Variants in STK38L observed in about 807,000 individuals in gnomAD.
The protein encoded by STK38L is serine/threonine kinase 38 like.
STK38L carries 28 observed loss-of-function variants against 59.7 expected under a neutral mutation model. The observed-to-expected ratio is 0.47, with a 90% CI of 0.35 to 0.64. The LOEUF is 0.64. Ranked by LOEUF, STK38L falls within the 30% of genes least tolerant of loss-of-function variation. STK38L has a pLI of 0.01. For synonymous variants in STK38L, 162 were observed against 176.8 expected, an observed-to-expected ratio of 0.92 and a Z score of 0.66; for missense variants, 314 against 555.8, an observed-to-expected ratio of 0.56 and a Z score of 4.37.
intron 12 of STK38L, among the ~76,000 whole-genome samples, chr12:27,321,039 C>T (rs1224304924): frequency 6.6e-6 from 1 of 152,094 alleles, no homozygotes; most frequent in African/African-American, 2.4e-5. Context: ...AGGGAACAGT[C>T]ATGGAGCAGG....
At chr12:27,277,617 C>G (rs1428102404) in intron 1 of STK38L, among the ~76,000 whole-genome samples, 2 of 151,850 alleles carry the variant, frequency 1.3e-5, no homozygotes, top group East Asian at 3.9e-4. Flanking sequence ...ATGGAGATAT[C>G]TTATCTCATA....
Position 27,309,173 on chromosome 12 carries a change from G to A in STK38L, c.369G>A (p.Lys123=). The A allele has an allele frequency of 6.2e-7, 1 of 1,601,324 alleles. No homozygotes were observed. Among genetic ancestry groups the A allele is most frequent in the Non-Finnish European group, 8.5e-7 (1 of 1,173,628 alleles). Residue 123 remains lysine, a synonymous_variant, in exon 5 of 14, where the codon AAG becomes AAA. Coordinates refer to ENST00000389032, the MANE Select transcript of STK38L (RefSeq NM_015000.4). ...TCTATGCAATGAAGATATTGAGAAAGTCTGATATGCTTGAAAAAGAGCAGG... is the reference window on the plus strand; with the variant it reads ...TCTATGCAATGAAGATATTGAGAAAATCTGATATGCTTGAAAAAGAGCAGG... The part of the protein sequence containing the change: ...GHIYAMKILR[K]SDMLEKEQVA...
chr12:27,253,621 A>G (rs1377681004), intron 1 of STK38L, among the ~76,000 whole-genome samples: 3 of 152,174 alleles, frequency 2.0e-5, no homozygotes, highest in Non-Finnish European at 2.9e-5. Flanking sequence ...AGCTGTCATG[A>G]AAGAGCAGTG....
Position 27,308,355 on chromosome 12 carries a change from C to A in STK38L, c.203C>A (p.Ser68Ter). The A allele has an allele frequency of 1.3e-6, 2 of 1,564,582 alleles. No individual in the cohort carries two copies. Among genetic ancestry groups the A allele is most frequent in the South Asian group, 1.2e-5 (1 of 83,210 alleles). The change falls in exon 4 of 14, where the codon TCA (serine) becomes TAA (stop). Residue 68 changes from serine to a stop codon, truncating the protein, a stop_gained. Coordinates refer to ENST00000389032, the MANE Select transcript of STK38L (RefSeq NM_015000.4). LOFTEE classifies it high-confidence loss of function. The surrounding 1 kb of genome is among the most constrained non-coding windows in gnomAD (Gnocchi z 4.5). ...TTTTAATAGAAAAAGTTACGTCGAT[C>A]ACAACACGCTCGCAAAGAAACAGAG... ...LADEEKKLRR[S>*]QHARKETEFL...
intron 9 of STK38L, among the ~76,000 whole-genome samples, chr12:27,317,004 C>T (rs1421420233): frequency 6.6e-6 from 1 of 152,110 alleles, no homozygotes; most frequent in East Asian, 1.9e-4. Context: ...ATATAAATAA[C>T]TTAACTGAGC....
intron 9 of STK38L, among the ~76,000 whole-genome samples, chr12:27,315,738 G>A (rs1944570334): frequency 6.6e-6 from 1 of 152,180 alleles, no homozygotes; most frequent in South Asian, 2.1e-4. Flanking sequence ...GTGGTTGTGA[G>A]TTTCTAAAAA....
chr12:27,278,879 T>C (rs1199957687), intron 1 of STK38L, among the ~76,000 whole-genome samples: 1 of 152,168 alleles, frequency 6.6e-6, no homozygotes, highest in Non-Finnish European at 1.5e-5. Flanking sequence ...CAAAAGATGA[T>C]AGGGACCAAA....
chr12:27,255,572 C>G (rs1455611882), intron 1 of STK38L, among the ~76,000 whole-genome samples: 3 of 152,112 alleles, frequency 2.0e-5, no homozygotes, highest in African/African-American at 7.2e-5. Flanking sequence ...TGTGAATTCC[C>G]TGTACATCAT....
chr12:27,318,167 C>T (rs1944633289), intron 11 of STK38L, 148 bp downstream of exon 11: 1 of 1,032,122 alleles, frequency 9.7e-7, no homozygotes, highest in Admixed American at 3.0e-5. Flanking sequence ...AAAATGTAAA[C>T]TCTTAAAAGG....
chr12:27,315,798 C>A (rs1046360785), intron 9 of STK38L, among the ~76,000 whole-genome samples: 1 of 152,152 alleles, frequency 6.6e-6, no homozygotes, highest in Non-Finnish European at 1.5e-5. Flanking sequence ...AACAGTGTTA[C>A]AATAAAACAG....
At chr12:27,306,752 C>CACACAT (rs1491536388) in intron 3 of STK38L, among the ~76,000 whole-genome samples, 1 of 139,636 alleles carries the variant, frequency 7.2e-6, no homozygotes, top group South Asian at 2.3e-4. Context: ...CACACACACA[C>CACACAT]ATATATTTGA....
In STK38L at chr12:27,281,792, T is replaced by C. The variant is rs546408820; in HGVS notation, c.-11-15918T>C. On this transcript the variant is annotated intron_variant, in intron 1 of 13. Coordinates refer to ENST00000389032, the MANE Select transcript of STK38L (RefSeq NM_015000.4). ...CCTCAGGCCTGTAATCCCAGCACTT[T>C]GGGAGGCCGAGACGGGTGGATCATC... 2.0e-5 allele frequency among the ~76,000 whole-genome samples: 3 copies of C among 152,204 alleles called. No individual in the cohort carries two copies. The East Asian group carries it at 5.8e-4, about 29-fold the overall frequency.
intron 1 of STK38L, among the ~76,000 whole-genome samples, chr12:27,269,555 G>A (rs1943374184): frequency 6.6e-6 from 1 of 152,150 alleles, no homozygotes; most frequent in African/African-American, 2.4e-5. Flanking sequence ...CAGGTAGCAT[G>A]AGCCCTCCAG....
rs985910689 is a variant in STK38L, at chr12:27,308,203, A to C, written c.187-136A>C. 7.9e-6 allele frequency: 6 copies of C among 762,722 alleles called. No homozygotes were observed. The highest frequency in any genetic ancestry group is 1.0e-5 in the Non-Finnish European group (6 of 575,844). The allele number at this position is 762,722 out of a possible 1,614,324, so 47.2% of individuals were successfully genotyped here. Reference sequence around the variant, plus strand: ...TTAAAAATTTTAGAAAGTTTTCTTTAAATTGTTTTAGCCTAATAGTATATT... The same window carrying C: ...TTAAAAATTTTAGAAAGTTTTCTTTCAATTGTTTTAGCCTAATAGTATATT... On this transcript the variant is annotated intron_variant, in intron 3 of 13. Coordinates refer to ENST00000389032, the MANE Select transcript of STK38L (RefSeq NM_015000.4). The surrounding 1 kb of genome is among the most constrained non-coding windows in gnomAD (Gnocchi z 4.5).
At chr12:27,314,814 A>G (rs988986679) in intron 7 of STK38L, among the ~76,000 whole-genome samples, 156 bp downstream of exon 7, 2 of 152,236 alleles carry the variant, frequency 1.3e-5, no homozygotes, top group South Asian at 2.1e-4. Context: ...TTAAATGACA[A>G]CAGGGAATAT....
At chr12:27,295,049 T>G (rs1021338464) in intron 1 of STK38L, among the ~76,000 whole-genome samples, 1 of 152,196 alleles carries the variant, frequency 6.6e-6, no homozygotes, top group African/African-American at 2.4e-5. Flanking sequence ...ATGAGCCCAA[T>G]GATTCTGAAA....
chr12:27,305,367 T>TA (rs1944285079), intron 3 of STK38L, among the ~76,000 whole-genome samples: 1 of 152,206 alleles, frequency 6.6e-6, no homozygotes, highest in Admixed American at 6.5e-5. Flanking sequence ...GATTTTTCCA[T>TA]AAAAAATAGT....
chr12:27,256,844 A>T (rs1943101465), intron 1 of STK38L, among the ~76,000 whole-genome samples: 1 of 151,874 alleles, frequency 6.6e-6, no homozygotes, highest in South Asian at 2.1e-4. Context: ...TGGATTTCAG[A>T]CCTCTTGCCT....
At chr12:27,320,442 ATTTTTTT>A (rs34281958) in intron 12 of STK38L, among the ~76,000 whole-genome samples, 6 of 91,904 alleles carry the variant, frequency 6.5e-5, no homozygotes, top group South Asian at 3.9e-4. Flanking sequence ...AATTTTGTTG[ATTTTTTT>A]TTTTTTTTTT....
Sources: allele counts gnomAD v4.1 joint callset (sites outside exome capture counted in the v4.1 genomes callset), GRCh38; gene constraint gnomAD v4.1.1; non-coding constraint Gnocchi (gnomAD v3.1); transcripts MANE v1.5; gene names NCBI Gene and HGNC (gene_info 2026-07-23, HGNC 2026-07-21).